Variants in ATAD2B observed in about 807,000 individuals in gnomAD.
ATAD2B encodes the protein ATPase family AAA domain containing 2B, also known as ATPase family AAA domain-containing protein 2B.
Under a neutral mutation model 167.6 loss-of-function variants are expected in ATAD2B, and 40 were observed. The observed-to-expected ratio is 0.24, with a 90% CI of 0.19 to 0.31. The LOEUF is 0.31. Ranked by LOEUF, ATAD2B falls within the 10% of genes least tolerant of loss-of-function variation. The pLI, the probability that ATAD2B is intolerant of heterozygous loss-of-function variation, is 1.00. For synonymous variants in ATAD2B, 579 were observed against 596.5 expected (o/e 0.97, Z 0.43); for missense variants, 1,242 against 1,757.2 (o/e 0.71, Z 5.24).
intron 22 of ATAD2B, among the ~76,000 whole-genome samples, chr2:23,775,694 G>C (rs1015766887): frequency 1.3e-5 from 2 of 152,158 alleles, no homozygotes; most frequent in Non-Finnish European, 2.9e-5. Context: ...GACTTACACT[G>C]GGCAAGAACT....
At chr2:23,878,557 G>T (rs1337089910) in intron 7 of ATAD2B, among the ~76,000 whole-genome samples, 1 of 151,992 alleles carries the variant, frequency 6.6e-6, no homozygotes, top group African/African-American at 2.4e-5. Flanking sequence ...TACTCGGGAG[G>T]CTGAGGCAGG....
chr2:23,681,816 GGTTT>G, the ATAD2B span, among the ~76,000 whole-genome samples: 12 of 152,208 alleles, frequency 7.9e-5, no homozygotes, highest in African/African-American at 2.9e-4. This position sits in a 1 kb window ranked among gnomAD's most constrained non-coding sequence, Gnocchi z 4.2. Flanking sequence ...CCTGGCTCGT[GGTTT>G]GGGCATTAAT....
intron 17 of ATAD2B, among the ~76,000 whole-genome samples, chr2:23,813,266 A>C (rs1345237218): frequency 6.7e-6 from 1 of 150,078 alleles, no homozygotes; most frequent in Non-Finnish European, 1.5e-5. Context: ...ATATGTTTAT[A>C]AAAATTATAT....
intron 13 of ATAD2B, among the ~76,000 whole-genome samples, chr2:23,847,245 C>T (rs1053427760): frequency 6.7e-6 from 1 of 149,606 alleles, no homozygotes; most frequent in Non-Finnish European, 1.5e-5. Context: ...TTGGCTCATG[C>T]CTGTAATCCC....
At chr2:23,824,065 C>T (rs1195847159) in intron 15 of ATAD2B, among the ~76,000 whole-genome samples, 1 of 152,178 alleles carries the variant, frequency 6.6e-6, no homozygotes, top group African/African-American at 2.4e-5. Context: ...TCTCCCACTT[C>T]AGCCTTCTGA....
At chr2:23,821,314 T>A (rs181828548) in intron 16 of ATAD2B, among the ~76,000 whole-genome samples, 3 of 152,256 alleles carry the variant, frequency 2.0e-5, no homozygotes, top group Non-Finnish European at 4.4e-5. Context: ...ATGAGGTTTT[T>A]ATGATTTTCT....
At chr2:23,696,139 G>GC in the ATAD2B span, 19 of 1,550,100 alleles carry the variant, frequency 1.2e-5, no homozygotes, top group Non-Finnish European at 1.4e-5. This position sits in a 1 kb window ranked among gnomAD's most constrained non-coding sequence, Gnocchi z 5.5. Flanking sequence ...CTCAGGTGAG[G>GC]CCCCCCGGGG....
intron 17 of ATAD2B, among the ~76,000 whole-genome samples, chr2:23,817,858 G>A (rs1261227772): frequency 6.6e-6 from 1 of 152,006 alleles, no homozygotes; most frequent in African/African-American, 2.4e-5. Context: ...AACAAAATGA[G>A]CCATACCAAT....
chr2:23,834,526 T>C (rs138626349), intron 13 of ATAD2B, among the ~76,000 whole-genome samples: 284 of 152,050 alleles, frequency 1.9e-3, no homozygotes, highest in Admixed American at 3.1e-3. Context: ...GATCAAGTGA[T>C]TTACAAAAAT....
At chr2:23,704,662 G>A in the ATAD2B span, among the ~76,000 whole-genome samples, 1 of 152,146 alleles carries the variant, frequency 6.6e-6, no homozygotes, top group Non-Finnish European at 1.5e-5. Flanking sequence ...AGCTTCTCAG[G>A]AAGCTGAGGC....
the ATAD2B span, among the ~76,000 whole-genome samples, chr2:23,718,900 T>C: frequency 6.6e-6 from 1 of 152,164 alleles, no homozygotes; most frequent in African/African-American, 2.4e-5. Context: ...TTTTCCTGAT[T>C]CTCCTGTCTC....
At chr2:23,892,473 C>CT (rs549985460) in intron 2 of ATAD2B, among the ~76,000 whole-genome samples, 6,968 of 132,216 alleles carry the variant, frequency 0.053, 201 homozygotes, top group South Asian at 0.1. Flanking sequence ...TTTTTCTTTT[C>CT]TTTTTTTTTT....
chr2:23,895,528 C>T (rs938525018), intron 2 of ATAD2B, among the ~76,000 whole-genome samples: 1 of 151,968 alleles, frequency 6.6e-6, no homozygotes, highest in African/African-American at 2.4e-5. Flanking sequence ...ATAACTCTGA[C>T]CATATGTTTT....
Position 23,902,654 on chromosome 2 carries a change from T to C in ATAD2B, c.217-6684A>G, listed in dbSNP as rs200687401. Among the ~76,000 whole-genome samples, 4 of 152,320 alleles carry C rather than the reference T, an allele frequency of 2.6e-5. No homozygotes were observed. The East Asian group carries it at 7.7e-4, about 29-fold the overall frequency. On this transcript the variant is annotated intron_variant, in intron 1 of 27. Transcript: ENST00000238789. ...TTAGCAATCTGTGTCACAGTGATTA[T>C]AATCCATGAGTAGGAAAAGTACCTC...
intron 19 of ATAD2B, among the ~76,000 whole-genome samples, chr2:23,792,856 A>G (rs1328397479): frequency 1.3e-5 from 2 of 148,228 alleles, no homozygotes; most frequent in Non-Finnish European, 3.0e-5. Context: ...CAGCTACTCC[A>G]GGAGGCTTAG....
the ATAD2B span, chr2:23,703,851 G>A: frequency 4.6e-6 from 7 of 1,536,806 alleles, no homozygotes; most frequent in Non-Finnish European, 5.2e-6. Context: ...AACCACTCTC[G>A]CCAGTTCTGC....
At chr2:23,832,156 T>C (rs1689163183) in intron 14 of ATAD2B, 1 of 457,258 alleles carries the variant, frequency 2.2e-6, no homozygotes, top group Non-Finnish European at 4.5e-6. Context: ...CATTGATACA[T>C]TTTCTTCACT....
intron 1 of ATAD2B, among the ~76,000 whole-genome samples, chr2:23,909,792 G>T (rs1452666967): frequency 6.6e-6 from 1 of 151,840 alleles, no homozygotes; most frequent in Non-Finnish European, 1.5e-5. Flanking sequence ...TACTTTTTAA[G>T]TAAGAATAAA....
At chr2:23,836,172 A>C (rs1338540426) in intron 13 of ATAD2B, among the ~76,000 whole-genome samples, 1 of 152,164 alleles carries the variant, frequency 6.6e-6, no homozygotes, top group African/African-American at 2.4e-5. Flanking sequence ...TGAGAGAGCA[A>C]GTGTGAGGTC....
Sources: gnomAD v4.1 joint callset for allele counts (sites outside exome capture counted in the v4.1 genomes callset) on GRCh38, gnomAD v4.1.1 for gene constraint, Gnocchi (gnomAD v3.1) non-coding constraint, MANE v1.5 for transcripts, NCBI Gene and HGNC (gene_info 2026-07-23, HGNC 2026-07-21) for gene names.